The following KPNA7 variants were observed in gnomAD, a reference collection of about 807,000 sequenced individuals.
KPNA7 encodes importin subunit alpha-8.
KPNA7 carries 54 observed loss-of-function variants against 53.7 expected under a neutral mutation model. That is an observed-to-expected ratio of 1.01 (90% CI 0.81 to 1.26). The LOEUF is 1.26. KPNA7 is among the 50% of genes most tolerant of loss of function. The pLI, the probability that KPNA7 is intolerant of heterozygous loss-of-function variation, is 0.00. For synonymous variants in KPNA7, 276 were observed against 259.3 expected, an observed-to-expected ratio of 1.06 and a Z score of -0.62; for missense variants, 640 against 644.5, an observed-to-expected ratio of 0.99 and a Z score of 0.07.
the KPNA7 span, among the ~76,000 whole-genome samples, chr7:99,148,869 G>A: frequency 2.8e-4 from 41 of 148,526 alleles, no homozygotes; most frequent in African/African-American, 9.2e-4. Flanking sequence ...TTACAGGCAT[G>A]AGCCACCGCA....
intron 5 of KPNA7, among the ~76,000 whole-genome samples, chr7:99,194,690 TC>T (rs1790136963): frequency 6.6e-6 from 1 of 152,028 alleles, no homozygotes; most frequent in South Asian, 2.1e-4. Flanking sequence ...TGCAACTTCC[TC>T]CTCCCAGGTT....
In KPNA7 at chr7:99,188,335, C is replaced by G. The variant is rs191355534; in HGVS notation, c.865G>C (p.Val289Leu). ...VVNTGVLPRLVVLMTSSELNV... is the reference protein window; with the variant it reads ...VVNTGVLPRLLVLMTSSELNV... ...AGTTCTGAGCTGGTCATGAGCACTA[C>G]CAGCCTGGGCAGGACCCCCGTGTTA... Residue 289 changes from valine to leucine, a missense_variant, in exon 7 of 11, where the codon GTA becomes CTA. Coordinates refer to ENST00000327442, the MANE Select transcript of KPNA7 (RefSeq NM_001145715.3). 332 of 1,551,572 alleles carry G rather than the reference C, an allele frequency of 2.1e-4. No individual in the cohort carries two copies. In the African/African-American group the frequency reaches 2.7e-3, roughly 12 times the overall value.
chr7:99,187,296 A>G (rs1281495463), intron 7 of KPNA7, among the ~76,000 whole-genome samples: 2 of 152,264 alleles, frequency 1.3e-5, no homozygotes, highest in South Asian at 2.1e-4. Context: ...TCACACACAA[A>G]AAAAATAATA....
the KPNA7 span, among the ~76,000 whole-genome samples, chr7:99,149,870 C>T: frequency 6.6e-6 from 1 of 152,134 alleles, no homozygotes; most frequent in South Asian, 2.1e-4. Context: ...CACGTGCAAC[C>T]TGCAACCTCC....
chr7:99,206,601 T>C (rs1399068290), intron 2 of KPNA7, among the ~76,000 whole-genome samples: 1 of 152,116 alleles, frequency 6.6e-6, no homozygotes, highest in East Asian at 1.9e-4. Flanking sequence ...CCAGAGTATC[T>C]GAGACTACAG....
chr7:99,187,835 AC>A (rs1584281903), intron 7 of KPNA7, among the ~76,000 whole-genome samples: 2 of 123,876 alleles, frequency 1.6e-5, no homozygotes, highest in African/African-American at 5.6e-5. Context: ...AAAAAAAAAA[AC>A]CCACTAGGAT....
intron 3 of KPNA7, 32 bp downstream of exon 3, chr7:99,203,074 G>T (rs1214659964): frequency 6.5e-7 from 1 of 1,543,414 alleles, no homozygotes. Context: ...AACATATTTT[G>T]CCCAAGACTA....
intron 1 of KPNA7, among the ~76,000 whole-genome samples, chr7:99,217,720 T>C (rs1791249982): frequency 7.4e-6 from 1 of 135,444 alleles, no homozygotes; most frequent in Admixed American, 8.5e-5. Context: ...AGCCTCCGCC[T>C]CCTGGGTTGA....
chr7:99,160,339 TG>T, the KPNA7 span, among the ~76,000 whole-genome samples: 1 of 152,254 alleles, frequency 6.6e-6, no homozygotes, highest in African/African-American at 2.4e-5. Flanking sequence ...CTCTGTCTTT[TG>T]TATTTCTTAT....
the KPNA7 span, among the ~76,000 whole-genome samples, chr7:99,157,077 TTTTTG>T: frequency 6.6e-6 from 1 of 152,166 alleles, no homozygotes; most frequent in South Asian, 2.1e-4. Flanking sequence ...TCATGGCATC[TTTTTG>T]TTTTATGGCC....
In KPNA7 at chr7:99,195,089, C is replaced by T; in HGVS notation, c.534G>A (p.Trp178Ter). ...SNVAVCEQAV[W>*]ALGNIAGDGP... ...TCTCACCGGCTATATTACCAAGAGC[C>T]CACACTGCCTGTTCACACACAGCCA... The change falls in exon 5 of 11, where the codon TGG becomes TGA. Residue 178 changes from tryptophan (W) to a stop codon, truncating the protein, a stop_gained. Coordinates refer to ENST00000327442, the MANE Select transcript of KPNA7 (RefSeq NM_001145715.3). LOFTEE classifies it high-confidence loss of function. The T allele has an allele frequency of 1.3e-6, 2 of 1,551,590 alleles. No individual in the cohort carries two copies. The highest frequency in any genetic ancestry group is 1.7e-6 in the Non-Finnish European group (2 of 1,146,966).
the KPNA7 span, among the ~76,000 whole-genome samples, chr7:99,146,746 AAACAACG>A: frequency 8.3e-6 from 1 of 120,954 alleles, no homozygotes; most frequent in African/African-American, 3.5e-5. Flanking sequence ...AAAAAAAAAA[AAACAACG>A]GAAAATGCAT....
chr7:99,170,395 A>G (rs1798750338), downstream of KPNA7, among the ~76,000 whole-genome samples: 1 of 152,206 alleles, frequency 6.6e-6, no homozygotes, highest in Non-Finnish European at 1.5e-5. Context: ...GATAAAGTAG[A>G]ATACCCCAGA....
intron 9 of KPNA7, among the ~76,000 whole-genome samples, chr7:99,181,586 C>T (rs1199654661): frequency 1.3e-5 from 2 of 152,162 alleles, no homozygotes; most frequent in African/African-American, 2.4e-5. Flanking sequence ...CTGGCTCTGT[C>T]GCCCAGGCTG....
chr7:99,201,491 G>A (rs746125968), intron 3 of KPNA7, among the ~76,000 whole-genome samples: 5 of 151,742 alleles, frequency 3.3e-5, no homozygotes, highest in African/African-American at 7.3e-5. Context: ...GTAAAAAACC[G>A]TCTCTACTAA....
chr7:99,176,262 C>CA (rs2150696164), intron 10 of KPNA7, among the ~76,000 whole-genome samples: 1 of 141,804 alleles, frequency 7.1e-6, no homozygotes, highest in East Asian at 2.1e-4. Flanking sequence ...CGCGCCACTG[C>CA]ACTCCAGCCT....
chr7:99,208,468 G>A (rs1445313256), upstream of KPNA7, among the ~76,000 whole-genome samples: 1 of 152,150 alleles, frequency 6.6e-6, no homozygotes, highest in Non-Finnish European at 1.5e-5. Context: ...GTGTTAGCCA[G>A]GATGGTCTCT....
In KPNA7 at chr7:99,173,651, T is replaced by A; in HGVS notation, c.*57A>T. The A allele has an allele frequency of 8.9e-7, 1 of 1,124,860 alleles. No individual in the cohort carries two copies. Among genetic ancestry groups the A allele is most frequent in the Non-Finnish European group, 1.3e-6 (1 of 769,338 alleles). 69.7% of individuals were successfully genotyped at this position (1,124,860 alleles called of 1,614,324 possible). A position where few individuals can be genotyped will look rare whatever the true frequency, so the allele number is the denominator to read the frequency against. ...TACACTAAGATAGAGGACTGCTGCTTCTTAAAGAAGTTATCCTTTAGCACT... is the reference window on the plus strand; with the variant it reads ...TACACTAAGATAGAGGACTGCTGCTACTTAAAGAAGTTATCCTTTAGCACT... On this transcript the variant is annotated 3_prime_UTR_variant, in exon 11 of 11. Coordinates refer to ENST00000327442, the MANE Select transcript of KPNA7 (RefSeq NM_001145715.3).
At chr7:99,172,773 T>C (rs980092671), downstream of KPNA7, among the ~76,000 whole-genome samples, 4 of 151,870 alleles carry the variant, frequency 2.6e-5, no homozygotes, top group African/African-American at 7.3e-5. Flanking sequence ...AGTCGAAGTC[T>C]GTGTAGAGAC....
Sources: allele counts gnomAD v4.1 joint callset (sites outside exome capture counted in the v4.1 genomes callset), GRCh38; gene constraint gnomAD v4.1.1; transcripts MANE v1.5; gene names NCBI Gene and HGNC (gene_info 2026-07-23, HGNC 2026-07-21).